The following AGBL4 variants were observed in gnomAD, a reference collection of about 807,000 sequenced individuals.
AGBL4 encodes cytosolic carboxypeptidase 6.
A neutral mutation model predicts 66.4 loss-of-function variants in AGBL4; 58 were observed. That is an observed-to-expected ratio of 0.87 (90% CI 0.71 to 1.09). The LOEUF (loss-of-function observed/expected upper bound fraction) is 1.09. Among genes scored for constraint, AGBL4 ranks in the 50% least tolerant of loss-of-function variants. The probability of loss-of-function intolerance (pLI) is 0.00; values close to 1 mark genes in which losing one functional copy is unlikely to be tolerated. For synonymous variants in AGBL4, 234 were observed against 222.9 expected (o/e 1.05, Z -0.44); for missense variants, 579 against 631.0 (o/e 0.92, Z 0.88).
chr1:49,604,242 C>T (rs1645022317), intron 3 of AGBL4, among the ~76,000 whole-genome samples: 1 of 152,114 alleles, frequency 6.6e-6, no homozygotes, highest in Non-Finnish European at 1.5e-5. Flanking sequence ...ACATCTATTG[C>T]TTTTTGACTT....
At chr1:48,682,685 G>A (rs929475696) in intron 6 of AGBL4, among the ~76,000 whole-genome samples, 1 of 152,138 alleles carries the variant, frequency 6.6e-6, no homozygotes, top group African/African-American at 2.4e-5. Context: ...GAGCCACAGC[G>A]CTCAGCCAAC....
intron 1 of AGBL4, among the ~76,000 whole-genome samples, chr1:49,996,672 T>C (rs1287968421): frequency 6.6e-6 from 1 of 152,178 alleles, no homozygotes; most frequent in Admixed American, 6.5e-5. Flanking sequence ...TCCTTAGCCT[T>C]GATAAAAATC....
At chr1:48,578,148 T>C (rs1401064585) in intron 11 of AGBL4, among the ~76,000 whole-genome samples, 2 of 152,184 alleles carry the variant, frequency 1.3e-5, no homozygotes, top group Non-Finnish European at 2.9e-5. Context: ...TCATCTTCTA[T>C]GCTAAAGATA....
chr1:49,006,473 C>A (rs1263930909), intron 5 of AGBL4, among the ~76,000 whole-genome samples: 1 of 152,242 alleles, frequency 6.6e-6, no homozygotes, highest in Non-Finnish European at 1.5e-5. Context: ...ATTGCCCAGG[C>A]TTGCTTAGGT....
intron 3 of AGBL4, among the ~76,000 whole-genome samples, chr1:49,511,786 A>T (rs1260196407): frequency 1.3e-5 from 2 of 151,952 alleles, no homozygotes; most frequent in East Asian, 3.9e-4. Context: ...TCTGTTGGAC[A>T]GAATGACCTC....
At chr1:49,542,647 C>T (rs1243884546) in intron 3 of AGBL4, among the ~76,000 whole-genome samples, 1 of 152,004 alleles carries the variant, frequency 6.6e-6, no homozygotes, top group African/African-American at 2.4e-5. Flanking sequence ...CCTATAATTC[C>T]AGCACTTTGG....
At chr1:49,789,657 A>G (rs1644545616) in intron 2 of AGBL4, among the ~76,000 whole-genome samples, 1 of 152,218 alleles carries the variant, frequency 6.6e-6, no homozygotes, top group Non-Finnish European at 1.5e-5. Context: ...AAGGAGAACT[A>G]CAAACCACTG....
intron 3 of AGBL4, among the ~76,000 whole-genome samples, chr1:49,335,317 C>T (rs1645412095): frequency 6.6e-6 from 1 of 152,126 alleles, no homozygotes; most frequent in African/African-American, 2.4e-5. Context: ...CTATTATTAT[C>T]ACTCTTATCC....
chr1:48,559,791 C>T (rs1482712054), intron 11 of AGBL4, among the ~76,000 whole-genome samples: 1 of 152,068 alleles, frequency 6.6e-6, no homozygotes. Context: ...CAGTCTCTGC[C>T]CCCTCCCCTA....
chr1:49,995,290 TAA>T (rs1450712073), intron 1 of AGBL4: 4 of 454,510 alleles, frequency 8.8e-6, no homozygotes, highest in South Asian at 6.2e-5. Flanking sequence ...TGCCTGGAAA[TAA>T]ACTCAGTGCT....
At chr1:49,745,770 T>C (rs972217252) in intron 2 of AGBL4, among the ~76,000 whole-genome samples, 12 of 151,642 alleles carry the variant, frequency 7.9e-5, no homozygotes, top group African/African-American at 2.4e-4. Flanking sequence ...ACTGAAAAGA[T>C]AGAAAATTTA....
intron 5 of AGBL4, among the ~76,000 whole-genome samples, chr1:48,919,428 A>G (rs1395082754): frequency 6.6e-6 from 1 of 152,152 alleles, no homozygotes; most frequent in Non-Finnish European, 1.5e-5. Flanking sequence ...ACATTGCCTG[A>G]TTTATGCACT....
chr1:48,807,210 C>A (rs1570718342), intron 6 of AGBL4, among the ~76,000 whole-genome samples: 1 of 152,174 alleles, frequency 6.6e-6, no homozygotes, highest in Admixed American at 6.5e-5. Flanking sequence ...GATTGTGGTA[C>A]CTTTTTGAGC....
intron 4 of AGBL4, among the ~76,000 whole-genome samples, chr1:49,110,425 T>G (rs1242323565): frequency 2.6e-5 from 4 of 152,194 alleles, no homozygotes; most frequent in African/African-American, 9.7e-5. Flanking sequence ...CTAAAAAAAG[T>G]TCAGACCTTC....
At chr1:49,796,919 T>A (rs1464075031) in intron 2 of AGBL4, among the ~76,000 whole-genome samples, 1 of 152,216 alleles carries the variant, frequency 6.6e-6, no homozygotes, top group Non-Finnish European at 1.5e-5. Context: ...AGTTTTCCTA[T>A]AGTTAACGAA....
chr1:49,522,128 C>T (rs1650314086), intron 3 of AGBL4, among the ~76,000 whole-genome samples: 1 of 152,108 alleles, frequency 6.6e-6, no homozygotes, highest in African/African-American at 2.4e-5. Context: ...CAATAACTGC[C>T]ACAATCTAAT....
intron 6 of AGBL4, among the ~76,000 whole-genome samples, chr1:48,849,306 A>G (rs1384447992): frequency 6.6e-6 from 1 of 152,224 alleles, no homozygotes; most frequent in African/African-American, 2.4e-5. Flanking sequence ...GCATGTATAA[A>G]GAGTGCATAC....
Position 49,599,112 on chromosome 1 carries a change from C to T in AGBL4, c.282+98201G>A, listed in dbSNP as rs368173350. The stretch of plus-strand genomic sequence containing the variant: ...GGTGTTGGTATCAGGATGATGCTGA[C>T]CTCATAAAATGAGTTAGGCAGGAGT... On this transcript the variant is annotated intron_variant, in intron 3 of 13. Coordinates refer to ENST00000371839, the MANE Select transcript of AGBL4 (RefSeq NM_032785.4). Among the ~76,000 whole-genome samples, 34 of 152,226 alleles carry T rather than the reference C, an allele frequency of 2.2e-4. 2 individuals are homozygous for T. In the East Asian group the frequency reaches 4.1e-3, roughly 18 times the overall value.
At chr1:49,100,575 G>A (rs1380012524) in intron 4 of AGBL4, among the ~76,000 whole-genome samples, 1 of 152,188 alleles carries the variant, frequency 6.6e-6, no homozygotes, top group Non-Finnish European at 1.5e-5. Context: ...AGGAACAGGT[G>A]AACATATGTC....
Sources: gnomAD v4.1 joint callset for allele counts (sites outside exome capture counted in the v4.1 genomes callset) on GRCh38, gnomAD v4.1.1 for gene constraint, MANE v1.5 for transcripts, NCBI Gene and HGNC (gene_info 2026-07-23, HGNC 2026-07-21) for gene names.